Variants in HAO1 observed in about 807,000 individuals in gnomAD.
HAO1 encodes the protein 2-Hydroxyacid oxidase 1.
Under a neutral mutation model 39.7 loss-of-function variants are expected in HAO1, and 34 were observed. The observed-to-expected ratio is 0.86, with a 90% CI of 0.65 to 1.14. HAO1 has a LOEUF of 1.14. Ranked by LOEUF, HAO1 falls within the 50% of genes most tolerant of loss-of-function variation. HAO1 has a pLI of 0.00. For missense variants in HAO1, 479 were observed against 464.5 expected, an observed-to-expected ratio of 1.03 and a Z score of -0.29; for synonymous variants, 172 against 173.2, an observed-to-expected ratio of 0.99 and a Z score of 0.05.
At chr20:7,921,215 G>A (rs1330517631) in intron 2 of HAO1, among the ~76,000 whole-genome samples, 1 of 152,020 alleles carries the variant, frequency 6.6e-6, no homozygotes, top group African/African-American at 2.4e-5. Context: ...TCCAACAAAG[G>A]TCTAATATCC....
intron 4 of HAO1, among the ~76,000 whole-genome samples, chr20:7,901,122 C>A (rs373362535): frequency 6.6e-5 from 10 of 152,202 alleles, no homozygotes; most frequent in African/African-American, 2.4e-4. Flanking sequence ...TTGAAGTTAG[C>A]AGAGGTTGAT....
At chr20:7,935,384 T>C (rs1186911048) in intron 1 of HAO1, among the ~76,000 whole-genome samples, 2 of 152,212 alleles carry the variant, frequency 1.3e-5, no homozygotes, top group African/African-American at 2.4e-5. Flanking sequence ...AAAATCAAGA[T>C]GGTATACAAA....
intron 1 of HAO1, among the ~76,000 whole-genome samples, chr20:7,937,521 A>G (rs2050418491): frequency 6.6e-6 from 1 of 152,156 alleles, no homozygotes; most frequent in South Asian, 2.1e-4. Context: ...ACTTTTACCC[A>G]TCTGTTATTT....
chr20:7,929,864 A>G (rs1002372480), intron 2 of HAO1, among the ~76,000 whole-genome samples: 3 of 152,174 alleles, frequency 2.0e-5, no homozygotes, highest in African/African-American at 7.2e-5. Flanking sequence ...CTCTGTCTCA[A>G]AAAAATAAGA....
At chr20:7,937,672 A>G (rs953862429) in intron 1 of HAO1, among the ~76,000 whole-genome samples, 2 of 152,208 alleles carry the variant, frequency 1.3e-5, no homozygotes, top group African/African-American at 4.8e-5. Context: ...AAAAGCTACA[A>G]CAACGTGAAG....
At chr20:7,889,207 A>G (rs1358348325) in intron 5 of HAO1, among the ~76,000 whole-genome samples, 4 of 151,670 alleles carry the variant, frequency 2.6e-5, no homozygotes, top group Non-Finnish European at 4.4e-5. Context: ...AGAAAATTTA[A>G]ATCCCTTTAG....
At chr20:7,928,495 C>CTTTT (rs35798481) in intron 2 of HAO1, among the ~76,000 whole-genome samples, 5 of 140,342 alleles carry the variant, frequency 3.6e-5, no homozygotes, top group South Asian at 2.2e-4. Flanking sequence ...AAAGTTTTTT[C>CTTTT]TTTTTTTTTT....
chr20:7,917,726 T>G lies in HAO1; in HGVS notation c.290-3307A>C, dbSNP rs150146056. Among the ~76,000 whole-genome samples the G allele has an allele frequency of 5.9e-5, 9 of 152,282 alleles. No homozygotes were observed. In the East Asian group the frequency reaches 1.7e-3, roughly 29 times the overall value. On this transcript the variant is annotated intron_variant, in intron 2 of 7. Coordinates refer to ENST00000378789, the MANE Select transcript of HAO1 (RefSeq NM_017545.3). ...TTGTAGTTAATACAAAGACATCATGTAGTCAAGCAGCAGCTCTGCCAATAG... is the reference window on the plus strand; with the variant it reads ...TTGTAGTTAATACAAAGACATCATGGAGTCAAGCAGCAGCTCTGCCAATAG...
chr20:7,915,797 T>G (rs2122779001), intron 2 of HAO1, among the ~76,000 whole-genome samples: 1 of 152,326 alleles, frequency 6.6e-6, no homozygotes, highest in African/African-American at 2.4e-5. Flanking sequence ...AAATGACATG[T>G]ATTACATGAT....
chr20:7,892,580 T>G lies in HAO1; in HGVS notation c.813+2553A>C, dbSNP rs578205337. On this transcript the variant is annotated intron_variant, in intron 5 of 7. Transcript: ENST00000378789. Reference sequence around the variant, plus strand: ...AGACCACTACTAGTTGGCTAAAGTATTTGTTCTACTCTTTTTCCAGTTGTG... The same window carrying G: ...AGACCACTACTAGTTGGCTAAAGTAGTTGTTCTACTCTTTTTCCAGTTGTG... 4.6e-5 allele frequency among the ~76,000 whole-genome samples: 7 copies of G among 152,302 alleles called. No homozygotes were observed. The East Asian group carries it at 1.4e-3, about 29-fold the overall frequency.
chr20:7,888,342 G>A (rs1447163235), intron 5 of HAO1, among the ~76,000 whole-genome samples: 2 of 152,124 alleles, frequency 1.3e-5, no homozygotes, highest in East Asian at 3.9e-4. Context: ...TGCACAACTT[G>A]CTCCCCCAAC....
At chr20:7,885,615 T>A in intron 6 of HAO1, 25 bp from the exon 7 acceptor site, 1 of 1,578,120 alleles carries the variant, frequency 6.3e-7, no homozygotes, top group Non-Finnish European at 8.7e-7. Context: ...AGATACAGAG[T>A]GATTCAGAAC....
intron 3 of HAO1, among the ~76,000 whole-genome samples, chr20:7,912,474 A>G (rs190008159): frequency 4.1e-4 from 62 of 152,218 alleles, no homozygotes; most frequent in Admixed American, 1.1e-3. Context: ...GTGTTAAGAG[A>G]TGGAGGAAAA....
chr20:7,931,098 A>T (rs1469418870), intron 2 of HAO1, among the ~76,000 whole-genome samples: 2 of 152,226 alleles, frequency 1.3e-5, no homozygotes, highest in Non-Finnish European at 2.9e-5. Context: ...GGTTTCTAGT[A>T]TAAATACAGA....
intron 3 of HAO1, among the ~76,000 whole-genome samples, chr20:7,912,350 T>C (rs1271681585): frequency 6.6e-6 from 1 of 152,174 alleles, no homozygotes; most frequent in Admixed American, 6.5e-5. Context: ...TCTAAGTAGA[T>C]GCCTCTGTGA....
At chr20:7,892,470 C>A (rs1383813834) in intron 5 of HAO1, among the ~76,000 whole-genome samples, 1 of 152,156 alleles carries the variant, frequency 6.6e-6, no homozygotes. Context: ...ACCCAATATT[C>A]CCTGCCATCA....
At chr20:7,903,047 A>G (rs964451454) in intron 4 of HAO1, among the ~76,000 whole-genome samples, 2 of 152,242 alleles carry the variant, frequency 1.3e-5, no homozygotes, top group Non-Finnish European at 2.9e-5. Flanking sequence ...CAGTCAATCC[A>G]TGTGATTTCT....
In HAO1 at chr20:7,914,390, A is replaced by G. The variant is rs545162774; in HGVS notation, c.319T>C (p.Leu107=). 4.3e-6 allele frequency: 7 copies of G among 1,613,914 alleles called. No homozygotes were observed. The South Asian group carries it at 5.5e-5, about 13-fold the overall frequency. The change falls in exon 3 of 8, where the codon TTG becomes CTG. Residue 107 remains leucine (L), a synonymous_variant. Coordinates refer to ENST00000378789, the MANE Select transcript of HAO1 (RefSeq NM_017545.3). ...ACQSLGTGMM[L]SSWATSSIEE... ...ATTGAGGAGGTGGCCCAGGAACTCA[A>G]CATCATGCCCGTTCCCAGGGACTGA...
intron 4 of HAO1, among the ~76,000 whole-genome samples, chr20:7,902,927 G>A (rs1738060190): frequency 6.6e-6 from 1 of 152,162 alleles, no homozygotes; most frequent in Admixed American, 6.6e-5. Context: ...AAAATGGTGA[G>A]ACAGTCAGAT....
Sources: gnomAD v4.1 joint callset for allele counts (sites outside exome capture counted in the v4.1 genomes callset) on GRCh38, gnomAD v4.1.1 for gene constraint, MANE v1.5 for transcripts, NCBI Gene and HGNC (gene_info 2026-07-23, HGNC 2026-07-21) for gene names.